The following GALNTL6 variants were observed in gnomAD, a reference collection of about 807,000 sequenced individuals.
GALNTL6 encodes polypeptide N-acetylgalactosaminyltransferase like 6.
In GALNTL6, 46 loss-of-function variants were observed where a neutral mutation model predicts 73.7. The observed-to-expected ratio is 0.62, with a 90% CI of 0.49 to 0.80. The LOEUF is 0.80. GALNTL6 is among the 30% of genes least tolerant of loss of function. The probability of loss-of-function intolerance (pLI) is 0.00; values close to 1 mark genes in which losing one functional copy is unlikely to be tolerated. For synonymous variants in GALNTL6, 259 were observed against 263.7 expected, an observed-to-expected ratio of 0.98 and a Z score of 0.17; for missense variants, 604 against 755.0, an observed-to-expected ratio of 0.80 and a Z score of 2.34.
chr4:172,675,509 A>G, intron 5 of GALNTL6, among the ~76,000 whole-genome samples: 1 of 152,202 alleles, frequency 6.6e-6, no homozygotes, highest in South Asian at 2.1e-4. Flanking sequence ...GTGTTGGCTC[A>G]GGGGCAGGGT....
chr4:172,380,364 G>A, intron 5 of GALNTL6: 1 of 689,598 alleles, frequency 1.5e-6, no homozygotes, highest in East Asian at 3.0e-5. Context: ...GAATCCCAGG[G>A]ACTGGCAATG....
At position 172,373,761 on chromosome 4, in the gene GALNTL6, C is replaced by T. The variant is rs368726846; in HGVS notation, c.553+25072C>T. ...GGACTTTCAGGCATAACAAGAAAGGCATGTGAAAAGAGCAAAGTCTCCCAA... is the reference window on the plus strand; with the variant it reads ...GGACTTTCAGGCATAACAAGAAAGGTATGTGAAAAGAGCAAAGTCTCCCAA... On this transcript the variant is annotated intron_variant, in intron 5 of 12. Coordinates refer to ENST00000506823, the MANE Select transcript of GALNTL6 (RefSeq NM_001034845.3). Among the ~76,000 whole-genome samples the T allele has an allele frequency of 4.2e-4, 64 of 152,242 alleles. 1 individual carries two copies. The East Asian group carries it at 9.3e-3, about 22-fold the overall frequency.
intron 5 of GALNTL6, among the ~76,000 whole-genome samples, chr4:172,720,338 G>T (rs1333267434): frequency 1.3e-5 from 2 of 152,078 alleles, no homozygotes; most frequent in Admixed American, 1.3e-4. Context: ...AGAGTCCCCT[G>T]CTAGAGTGCT....
chr4:172,376,948 G>A (rs1049265721), intron 5 of GALNTL6, among the ~76,000 whole-genome samples: 7 of 152,078 alleles, frequency 4.6e-5, no homozygotes, highest in African/African-American at 1.4e-4. Flanking sequence ...AGTGAAGCTG[G>A]AGACCTTCGT....
intron 3 of GALNTL6, among the ~76,000 whole-genome samples, chr4:172,295,510 T>C (rs1739637370): frequency 6.7e-6 from 1 of 148,950 alleles, no homozygotes; most frequent in Non-Finnish European, 1.5e-5. Flanking sequence ...TGCACTGTTT[T>C]TTCTTCTTTT....
At chr4:172,778,276 A>G (rs1393052427) in intron 5 of GALNTL6, among the ~76,000 whole-genome samples, 1 of 152,214 alleles carries the variant, frequency 6.6e-6, no homozygotes. Context: ...TGTACAAAGG[A>G]TAGGTGGCCC....
chr4:172,009,889 T>C (rs1740953231), intron 2 of GALNTL6, among the ~76,000 whole-genome samples: 1 of 152,094 alleles, frequency 6.6e-6, no homozygotes, highest in Non-Finnish European at 1.5e-5. Context: ...CCAATGTAGA[T>C]ATTACTGCAG....
chr4:172,206,927 C>G (rs912186654), intron 2 of GALNTL6, among the ~76,000 whole-genome samples: 2 of 148,196 alleles, frequency 1.3e-5, no homozygotes, highest in Non-Finnish European at 3.0e-5. Flanking sequence ...AGGCTATTCT[C>G]GTGCCTCAGC....
intron 5 of GALNTL6, among the ~76,000 whole-genome samples, chr4:172,724,334 A>T (rs1735670243): frequency 6.6e-6 from 1 of 152,182 alleles, no homozygotes; most frequent in South Asian, 2.1e-4. Flanking sequence ...CACAAAATCC[A>T]TCCTATAGTA....
chr4:172,720,433 G>T (rs1053113204), intron 5 of GALNTL6, among the ~76,000 whole-genome samples: 4 of 152,134 alleles, frequency 2.6e-5, no homozygotes, highest in Non-Finnish European at 5.9e-5. Flanking sequence ...TGAACTTCCC[G>T]AGGCTCCACC....
At chr4:172,722,218 C>T (rs939089287) in intron 5 of GALNTL6, among the ~76,000 whole-genome samples, 3 of 152,118 alleles carry the variant, frequency 2.0e-5, no homozygotes, top group Admixed American at 6.6e-5. Context: ...AGTATCCTCA[C>T]AATACTCTAG....
At chr4:171,935,671 A>G (rs936692595) in intron 2 of GALNTL6, among the ~76,000 whole-genome samples, 1 of 152,118 alleles carries the variant, frequency 6.6e-6, no homozygotes. Flanking sequence ...AGGTCTCCCT[A>G]TGTGGCCCAG....
intron 2 of GALNTL6, among the ~76,000 whole-genome samples, chr4:172,066,534 AC>A (rs71592046): frequency 0.14 from 15,589 of 109,000 alleles, 942 homozygotes; most frequent in Admixed American, 0.26. Flanking sequence ...TCTGACCTGG[AC>A]TTTTTTTTTT....
chr4:172,848,437 T>C (rs1033567493), intron 7 of GALNTL6, among the ~76,000 whole-genome samples: 4 of 152,214 alleles, frequency 2.6e-5, no homozygotes, highest in Non-Finnish European at 5.9e-5. Context: ...CTGAGTATAA[T>C]GGAGCTGCTA....
intron 5 of GALNTL6, among the ~76,000 whole-genome samples, chr4:172,793,944 A>G (rs1273151185): frequency 6.6e-6 from 1 of 152,220 alleles, no homozygotes; most frequent in Non-Finnish European, 1.5e-5. Flanking sequence ...GTGTGTATGT[A>G]TTCTCCGAAG....
chr4:172,326,143 A>T (rs2111172236), intron 4 of GALNTL6, among the ~76,000 whole-genome samples: 1 of 152,130 alleles, frequency 6.6e-6, no homozygotes, highest in Admixed American at 6.5e-5. Context: ...AAATATTTTT[A>T]AATGAACAAA....
At chr4:172,492,269 G>A (rs1733924019) in intron 5 of GALNTL6, among the ~76,000 whole-genome samples, 1 of 151,958 alleles carries the variant, frequency 6.6e-6, no homozygotes. Context: ...TCTAATATTG[G>A]CTTATAGAGG....
rs1736011996 is a variant in GALNTL6, at chr4:172,552,857, A to AAAAAAC, written c.553+204168_553+204169insAAAAAC. Among the ~76,000 whole-genome samples, 9 of 131,666 alleles carry AAAAAAC rather than the reference A, an allele frequency of 6.8e-5. 1 individual carries two copies. The highest frequency in any genetic ancestry group is 1.2e-4 in the Non-Finnish European group (7 of 57,570). 86.4% of individuals were successfully genotyped at this position (131,666 alleles called of 152,430 possible). ...TGCAGTAAAAAAAAAAAAAAAAAAAAGGTAAAAACCGCAATTACTTTTGCA... is the reference window on the plus strand; with the variant it reads ...TGCAGTAAAAAAAAAAAAAAAAAAAAAAAAACGGTAAAAACCGCAATTACTTTTGCA... On this transcript the variant is annotated intron_variant, in intron 5 of 12. Transcript: ENST00000506823.
At chr4:172,162,052 G>C (rs1734487161) in intron 2 of GALNTL6, among the ~76,000 whole-genome samples, 1 of 151,958 alleles carries the variant, frequency 6.6e-6, no homozygotes, top group African/African-American at 2.4e-5. Context: ...GTCGTACAAT[G>C]TAACAAGAAG....
Sources: allele counts gnomAD v4.1 joint callset (sites outside exome capture counted in the v4.1 genomes callset), GRCh38; gene constraint gnomAD v4.1.1; transcripts MANE v1.5; gene names NCBI Gene and HGNC (gene_info 2026-07-23, HGNC 2026-07-21).